Variants in CECR2 observed in about 807,000 individuals in gnomAD.
CECR2 encodes chromatin remodeling regulator CECR2.
CECR2 carries 30 observed loss-of-function variants against 154.5 expected under a neutral mutation model. That is an observed-to-expected ratio of 0.19 (90% confidence interval 0.15 to 0.26). The LOEUF is 0.26. Ranked by LOEUF, CECR2 falls within the 10% of genes least tolerant of loss-of-function variation. The probability of loss-of-function intolerance (pLI) is 1.00; values close to 1 mark genes in which losing one functional copy is unlikely to be tolerated. For missense variants in CECR2, 1,743 were observed against 1,829.3 expected, an observed-to-expected ratio of 0.95 and a Z score of 0.86; for synonymous variants, 725 against 683.7, an observed-to-expected ratio of 1.06 and a Z score of -0.94.
chr22:17,387,150 T>G (rs2063272842), intron 1 of CECR2, among the ~76,000 whole-genome samples: 1 of 152,218 alleles, frequency 6.6e-6, no homozygotes, highest in African/African-American at 2.4e-5. Flanking sequence ...GTGTTATGTT[T>G]AATAACAGGT....
At chr22:17,466,739 C>T (rs922250829) in intron 1 of CECR2, among the ~76,000 whole-genome samples, 2 of 151,898 alleles carry the variant, frequency 1.3e-5, no homozygotes, top group African/African-American at 2.4e-5. Context: ...GGATTACAGG[C>T]GCGTGCCACC....
At position 17,548,287 on chromosome 22, in the gene CECR2, A is replaced by G. The variant is rs10427665; in HGVS notation, c.3000A>G (p.Thr1000=). ...AGAGCTCACCACAAGAAAGGGAAAC[A>G]GTGGGCCCGGAGCTCAAAAGCAGCT... ...TRQSSPQERE[T]VGPELKSSSS... is the part of the protein sequence containing the mutation. The change falls in exon 17 of 19, where the codon ACA becomes ACG. Residue 1000 remains threonine (T), a synonymous_variant. Transcript: ENST00000262608. The G allele has an allele frequency of 4.2e-3, 6,681 of 1,608,588 alleles. 240 individuals are homozygous for G. In the African/African-American group the frequency reaches 0.079, roughly 19 times the overall value.
intron 9 of CECR2, among the ~76,000 whole-genome samples, chr22:17,531,254 A>T (rs1338307187): frequency 6.6e-6 from 1 of 151,656 alleles, no homozygotes; most frequent in African/African-American, 2.4e-5. Flanking sequence ...AGGAATCGGG[A>T]TTGTCAGAGG....
chr22:17,534,275 A>G (rs887333624), intron 9 of CECR2, among the ~76,000 whole-genome samples: 2 of 152,070 alleles, frequency 1.3e-5, no homozygotes, highest in East Asian at 1.9e-4. Flanking sequence ...GCAGTGACCT[A>G]TGATCCCAAC....
intron 16 of CECR2, among the ~76,000 whole-genome samples, chr22:17,546,483 C>T (rs1466967461): frequency 1.0e-5 from 1 of 98,492 alleles, no homozygotes; most frequent in Non-Finnish European, 1.8e-5. Context: ...GAGACTCTGT[C>T]TCAAAAAAAA....
intron 2 of CECR2, among the ~76,000 whole-genome samples, chr22:17,481,647 T>C (rs1164968104): frequency 6.6e-6 from 1 of 152,212 alleles, no homozygotes; most frequent in Non-Finnish European, 1.5e-5. Context: ...TACTGTCATT[T>C]TGTTCAGTGG....
rs952695021 is a variant in CECR2, at chr22:17,557,652, GTGT to G, written c.*4818_*4820del. 2 of 117,730 alleles carry G rather than the reference GTGT, an allele frequency of 1.7e-5. No homozygotes were observed. Among genetic ancestry groups the G allele is most frequent in the Non-Finnish European group, 3.3e-5 (2 of 61,478 alleles). The allele number at this position is 117,730 out of a possible 1,614,324, so 7.3% of individuals were successfully genotyped here. ...GACGAGCAGTTGATTGTCCTTGCTT[GTGT>G]TGTTGACAGGGGTGGGTGGGGTGGG... On this transcript the variant is annotated 3_prime_UTR_variant, in exon 19 of 19. Transcript: ENST00000262608.
In CECR2 at chr22:17,462,400, TACTG is replaced by T. The variant is rs1346730239; in HGVS notation, c.127-15186_127-15183del. ...AAAAAAGATAAAGATCTTAAGATAA[TACTG>T]AGAAGGTGTAGGTTGAGGTCATTTG... On this transcript the variant is annotated intron_variant, in intron 1 of 18. Coordinates refer to ENST00000262608, the MANE Select transcript of CECR2 (RefSeq NM_001290047.2). 2.6e-5 allele frequency among the ~76,000 whole-genome samples: 4 copies of T among 152,034 alleles called. No homozygotes were observed. The East Asian group carries it at 7.8e-4, about 30-fold the overall frequency.
At chr22:17,467,656 C>T (rs1325472973) in intron 1 of CECR2, among the ~76,000 whole-genome samples, 1 of 152,094 alleles carries the variant, frequency 6.6e-6, no homozygotes, top group Non-Finnish European at 1.5e-5. Context: ...GTGGCAGGTA[C>T]CTGTAATCCC....
At chr22:17,538,080 T>A (rs2056464425) in intron 10 of CECR2, among the ~76,000 whole-genome samples, 1 of 151,442 alleles carries the variant, frequency 6.6e-6, no homozygotes, top group South Asian at 2.1e-4. Context: ...TCGCCAGGCA[T>A]GGTAGCACAC....
rs758915481 is a variant in CECR2, at chr22:17,542,935, A to G, written c.2792A>G (p.Lys931Arg). The change falls in exon 16 of 19, where the codon AAG (lysine) becomes AGG (arginine). Residue 931 changes from lysine (K) to arginine (R), a missense_variant. Lys to Arg is a conservative substitution (Grantham distance 26). Coordinates refer to ENST00000262608, the MANE Select transcript of CECR2 (RefSeq NM_001290047.2). The stretch of plus-strand genomic sequence containing the variant: ...ATGTCAGTCACTGTGTCAGCCCCCA[A>G]GCCTGCCCTGGGCAACCCTGGGAGG... ...HPMSVTVSAP[K>R]PALGNPGRAP... The G allele has an allele frequency of 3.1e-6, 5 of 1,613,864 alleles. No homozygotes were observed. The highest frequency in any genetic ancestry group is 4.2e-6 in the Non-Finnish European group (5 of 1,179,828).
intron 7 of CECR2, among the ~76,000 whole-genome samples, chr22:17,509,529 A>ATTGT (rs2055904197): frequency 6.6e-6 from 1 of 151,830 alleles, no homozygotes; most frequent in Non-Finnish European, 1.5e-5. Flanking sequence ...TCCTGGGCTC[A>ATTGT]AACGATTCTC....
intron 1 of CECR2, among the ~76,000 whole-genome samples, chr22:17,435,684 TAAAAAAAAAA>T (rs10694414): frequency 5.3e-4 from 48 of 90,944 alleles, no homozygotes; most frequent in South Asian, 4.8e-3. Context: ...TTTTAATTCT[TAAAAAAAAAA>T]AAAAAAAAAA....
intron 1 of CECR2, among the ~76,000 whole-genome samples, chr22:17,466,598 C>CCTTTTTTTTTTTT (rs555359003): frequency 2.9e-4 from 40 of 140,180 alleles, no homozygotes; most frequent in African/African-American, 9.9e-4. Context: ...AAAACCTTGC[C>CCTTTTTTTTTTTT]TTTTTTTTTT....
Position 17,542,683 on chromosome 22 carries a change from C to T in CECR2, c.2540C>T (p.Ala847Val), listed in dbSNP as rs750743419. The change falls in exon 16 of 19, where the codon GCC becomes GTC. Residue 847 changes from alanine to valine, a missense_variant. Coordinates refer to ENST00000262608, the MANE Select transcript of CECR2 (RefSeq NM_001290047.2). ...SGYMRPPCKS[A>V]GHRLQPPPVP... Reference sequence around the variant, plus strand: ...TACATGCGACCGCCCTGCAAGTCTGCCGGACATCGGTTACAGCCACCTCCA... The same window carrying T: ...TACATGCGACCGCCCTGCAAGTCTGTCGGACATCGGTTACAGCCACCTCCA... The T allele has an allele frequency of 6.2e-7, 1 of 1,613,906 alleles. No individual in the cohort carries two copies. Among genetic ancestry groups the T allele is most frequent in the African/African-American group, 1.3e-5 (1 of 74,914 alleles).
chr22:17,549,348 C>T lies in CECR2; in HGVS notation c.4061C>T (p.Pro1354Leu), dbSNP rs748544634. The T allele has an allele frequency of 5.3e-5, 86 of 1,613,806 alleles. No homozygotes were observed. Among genetic ancestry groups the T allele is most frequent in the Admixed American group, 4.3e-4 (26 of 59,990 alleles). ...GGGCCTCCCTATACCCCTCAGCGGCCGGCCAGTCACTTTCAGCCCAGGGCT... is the reference window on the plus strand; with the variant it reads ...GGGCCTCCCTATACCCCTCAGCGGCTGGCCAGTCACTTTCAGCCCAGGGCT... ...QTGPPYTPQR[P>L]ASHFQPRAYS... Residue 1354 changes from proline to leucine, a missense_variant, in exon 17 of 19, where the codon CCG becomes CTG. Coordinates refer to ENST00000262608, the MANE Select transcript of CECR2 (RefSeq NM_001290047.2).
rs768298929 is a variant in CECR2, at chr22:17,539,036, G to T, written c.1412G>T (p.Gly471Val). 6.2e-7 allele frequency: 1 copy of T among 1,613,828 alleles called. No homozygotes were observed. The highest frequency in any genetic ancestry group is 1.3e-5 in the African/African-American group (1 of 75,036). ...ISSMEKKLNGGLYCTKEEFVN... is the reference protein window; with the variant it reads ...ISSMEKKLNGVLYCTKEEFVN... ...AGCATGGAGAAGAAACTGAATGGAG[G>T]TTTATACTGTACCAAGGAGGAATTT... Residue 471 changes from glycine (G) to valine (V), a missense_variant, in exon 13 of 19, where the codon GGT becomes GTT. By Grantham distance (109) the Gly-to-Val change is moderately radical (BLOSUM62 -3). Transcript: ENST00000262608.
At chr22:17,446,426 G>A (rs1461366598) in intron 1 of CECR2, among the ~76,000 whole-genome samples, 1 of 152,160 alleles carries the variant, frequency 6.6e-6, no homozygotes, top group African/African-American at 2.4e-5. Context: ...TCTTAAAGGT[G>A]GTGTGGACCC....
chr22:17,361,239 G>A (rs1364555857), intron 1 of CECR2, among the ~76,000 whole-genome samples: 2 of 152,120 alleles, frequency 1.3e-5, no homozygotes, highest in Non-Finnish European at 2.9e-5. Context: ...TATAATCCCA[G>A]CATTTTGGGA....
Sources: allele counts gnomAD v4.1 joint callset (sites outside exome capture counted in the v4.1 genomes callset), GRCh38; gene constraint gnomAD v4.1.1; transcripts MANE v1.5; gene names NCBI Gene and HGNC (gene_info 2026-07-23, HGNC 2026-07-21).